Variants in MLLT10 observed in about 807,000 individuals in gnomAD.
MLLT10 encodes the protein protein AF-10.
In MLLT10, 30 loss-of-function variants were observed where a neutral mutation model predicts 129.1. The observed-to-expected ratio is 0.23, with a 90% CI of 0.17 to 0.32. The LOEUF (loss-of-function observed/expected upper bound fraction) is 0.32. MLLT10 is among the 10% of genes least tolerant of loss of function. The pLI is 1.00. For missense variants in MLLT10, 1,119 were observed against 1,268.3 expected, an observed-to-expected ratio of 0.88 and a Z score of 1.79; for synonymous variants, 490 against 446.4, an observed-to-expected ratio of 1.10 and a Z score of -1.23.
chr10:21,717,052 T>C (rs1193315736), intron 14 of MLLT10, among the ~76,000 whole-genome samples: 2 of 151,232 alleles, frequency 1.3e-5, no homozygotes, highest in East Asian at 3.9e-4. Flanking sequence ...AGGTTAGGAG[T>C]TCGAGACCAG....
At chr10:21,733,729 ATGTC>A in intron 19 of MLLT10, 35 bp from the exon 20 acceptor site, 1 of 1,563,850 alleles carries the variant, frequency 6.4e-7, no homozygotes, top group Non-Finnish European at 8.6e-7. Context: ...CTGGGACTTA[ATGTC>A]CAGTGGACTT....
chr10:21,684,696 C>G (rs191305990), intron 13 of MLLT10, among the ~76,000 whole-genome samples: 4 of 152,296 alleles, frequency 2.6e-5, no homozygotes, highest in Non-Finnish European at 5.9e-5. Context: ...CAGACCATGT[C>G]AAACTGTCTT....
chr10:21,662,724 T>G (rs576957120), intron 9 of MLLT10, among the ~76,000 whole-genome samples: 6 of 152,352 alleles, frequency 3.9e-5, no homozygotes, highest in Admixed American at 3.9e-4. Context: ...TTAAACTGTA[T>G]TTTTTGCCTT....
intron 22 of MLLT10, 105 bp from the exon 23 acceptor site, chr10:21,741,834 G>A: frequency 3.3e-6 from 4 of 1,200,180 alleles, no homozygotes; most frequent in Non-Finnish European, 2.4e-6. Context: ...AGAAAAAAGG[G>A]AGTAACTTTC....
At chr10:21,622,873 T>A (rs1374799890) in intron 8 of MLLT10, among the ~76,000 whole-genome samples, 2 of 152,220 alleles carry the variant, frequency 1.3e-5, no homozygotes. Context: ...AGTCCCAGAT[T>A]GTCACCTGTA....
chr10:21,542,773 C>T (rs911787268), intron 3 of MLLT10, among the ~76,000 whole-genome samples: 3 of 152,068 alleles, frequency 2.0e-5, no homozygotes. Context: ...CTTGTCCTAG[C>T]TACGTGGGAG....
At chr10:21,651,903 CTTTTTTTTTTT>C (rs775460288) in intron 9 of MLLT10, 135 bp downstream of exon 9, 58 of 133,768 alleles carry the variant, frequency 4.3e-4, no homozygotes, top group East Asian at 1.0e-3. Flanking sequence ...ATTCTCATTT[CTTTTTTTTTTT>C]TTTTTTTTTT....
At chr10:21,656,053 C>G (rs921016537) in intron 9 of MLLT10, among the ~76,000 whole-genome samples, 1 of 152,078 alleles carries the variant, frequency 6.6e-6, no homozygotes, top group Non-Finnish European at 1.5e-5. Context: ...ATCCGATTGA[C>G]CCTGGTAGAC....
chr10:21,547,022 C>T (rs2036194298), intron 3 of MLLT10, among the ~76,000 whole-genome samples: 1 of 151,924 alleles, frequency 6.6e-6, no homozygotes, highest in Non-Finnish European at 1.5e-5. Context: ...CATGCCCGGC[C>T]CTAATCCTGG....
chr10:21,547,224 A>G lies in MLLT10; in HGVS notation c.240+8312A>G, dbSNP rs563216683. ...TGCTGATTTGGAGGTCATATGCTCT[A>G]TTTCTTTTATTTTAGTGATTGCACT... On this transcript the variant is annotated intron_variant, in intron 3 of 22. Coordinates refer to ENST00000307729, the MANE Select transcript of MLLT10 (RefSeq NM_001195626.3). Among the ~76,000 whole-genome samples the G allele has an allele frequency of 2.0e-5, 3 of 151,732 alleles. No individual in the cohort carries two copies. The East Asian group carries it at 5.8e-4, about 29-fold the overall frequency.
chr10:21,550,350 TAG>T (rs1029572074), intron 3 of MLLT10, among the ~76,000 whole-genome samples: 17 of 152,218 alleles, frequency 1.1e-4, no homozygotes, highest in Non-Finnish European at 2.1e-4. Flanking sequence ...CATGGTTTTC[TAG>T]AGTCTCTTCC....
chr10:21,633,341 G>A lies in MLLT10; in HGVS notation c.699+16134G>A, dbSNP rs575637838. ...ACTTATGATTTAGAATCATGATTTA[G>A]AAGACTAATGAAGTGCAAAGATGTT... On this transcript the variant is annotated intron_variant, in intron 8 of 22. Coordinates refer to ENST00000307729, the MANE Select transcript of MLLT10 (RefSeq NM_001195626.3). Among the ~76,000 whole-genome samples, 30 of 152,338 alleles carry A rather than the reference G, an allele frequency of 2.0e-4. 1 individual carries two copies. The highest frequency in any genetic ancestry group is 1.9e-3 in the Admixed American group (29 of 15,308).
chr10:21,584,428 G>T (rs1468330721), intron 3 of MLLT10, among the ~76,000 whole-genome samples: 1 of 152,014 alleles, frequency 6.6e-6, no homozygotes, highest in East Asian at 1.9e-4. Flanking sequence ...CTCCCAAAGT[G>T]CTGGGATTAT....
chr10:21,534,544 G>T, intron 1 of MLLT10, 24 bp downstream of exon 1: 1 of 1,329,542 alleles, frequency 7.5e-7, no homozygotes, highest in South Asian at 1.5e-5. Flanking sequence ...GGGCTGCCGG[G>T]CCGGGCGGGG....
chr10:21,567,108 C>T lies in MLLT10; in HGVS notation c.241-19186C>T, dbSNP rs144793328. 1.6e-3 allele frequency among the ~76,000 whole-genome samples: 247 copies of T among 152,286 alleles called. 8 individuals carry two copies. Among genetic ancestry groups the T allele is most frequent in the Non-Finnish European group, 5.1e-4 (35 of 68,040 alleles). On this transcript the variant is annotated intron_variant, in intron 3 of 22. Coordinates refer to ENST00000307729, the MANE Select transcript of MLLT10 (RefSeq NM_001195626.3). ...GATTACAGGCGCGAGCCACCGAGCC[C>T]GGCCTTGGTATCTTTTTGGTATCAC...
chr10:21,567,349 G>A (rs2039698121), intron 3 of MLLT10, among the ~76,000 whole-genome samples: 1 of 152,128 alleles, frequency 6.6e-6, no homozygotes, highest in Non-Finnish European at 1.5e-5. Context: ...TTGCAGAATT[G>A]GGAGTTGTGG....
rs11596709 is a variant in MLLT10 at position 21,652,080 on chromosome 10, T to G, written c.795+312T>G. ...GGCGCGTGCCACTGTGCCTGGCCAA[T>G]TTTTTGTATCTTTAGTAGAGACGGG... is the stretch of plus-strand genomic sequence containing the variant. On this transcript the variant is annotated intron_variant, in intron 9 of 22. Coordinates refer to ENST00000307729, the MANE Select transcript of MLLT10 (RefSeq NM_001195626.3). 2.0e-5 allele frequency among the ~76,000 whole-genome samples: 3 copies of G among 152,032 alleles called. No individual in the cohort carries two copies. The East Asian group carries it at 5.8e-4, about 29-fold the overall frequency.
chr10:21,718,744 C>T (rs896896115), intron 14 of MLLT10, among the ~76,000 whole-genome samples: 5 of 152,140 alleles, frequency 3.3e-5, no homozygotes, highest in African/African-American at 7.2e-5. Context: ...TTTTTTGAGA[C>T]GGAGTCTCAC....
At chr10:21,582,993 A>G (rs557110717) in intron 3 of MLLT10, among the ~76,000 whole-genome samples, 87 of 152,140 alleles carry the variant, frequency 5.7e-4, no homozygotes, top group Non-Finnish European at 1.1e-3. Context: ...ACATGACGAA[A>G]CCCTATTTCT....
Sources: gnomAD v4.1 joint callset for allele counts (sites outside exome capture counted in the v4.1 genomes callset) on GRCh38, gnomAD v4.1.1 for gene constraint, MANE v1.5 for transcripts, NCBI Gene and HGNC (gene_info 2026-07-23, HGNC 2026-07-21) for gene names.